Variants in KCNB2 observed in about 807,000 individuals in gnomAD.
The protein encoded by KCNB2 is potassium voltage-gated channel subfamily B member 2, also known as delayed rectifier potassium channel protein.
KCNB2 carries 15 observed loss-of-function variants against 61.5 expected under a neutral mutation model. The observed-to-expected ratio is 0.24, with a 90% CI of 0.16 to 0.38. KCNB2 has a LOEUF of 0.38. Ranked by LOEUF, KCNB2 falls within the 10% of genes least tolerant of loss-of-function variation. KCNB2 has a pLI of 1.00. For synonymous variants in KCNB2, 457 were observed against 446.0 expected (o/e 1.02, Z -0.31); for missense variants, 828 against 1,125.2 (o/e 0.74, Z 3.78).
intron 2 of KCNB2, among the ~76,000 whole-genome samples, chr8:72,628,029 C>T (rs1038032967): frequency 2.0e-5 from 3 of 152,098 alleles, no homozygotes; most frequent in Non-Finnish European, 4.4e-5. Context: ...TCTCAGCCCA[C>T]TGCCACCTCC....
At chr8:72,872,519 C>G (rs559034334) in intron 2 of KCNB2, among the ~76,000 whole-genome samples, 34 of 152,282 alleles carry the variant, frequency 2.2e-4, no homozygotes, top group African/African-American at 5.3e-4. Context: ...TGGGAAGAAA[C>G]TTCCCCCAGA....
intron 2 of KCNB2, among the ~76,000 whole-genome samples, chr8:72,675,970 G>A (rs1806647339): frequency 6.6e-6 from 1 of 150,538 alleles, no homozygotes; most frequent in Admixed American, 6.6e-5. Flanking sequence ...TGAGTGCATT[G>A]GAGAAGAATT....
intron 2 of KCNB2, among the ~76,000 whole-genome samples, chr8:72,920,886 T>C (rs1806508602): frequency 6.6e-6 from 1 of 152,052 alleles, no homozygotes; most frequent in Non-Finnish European, 1.5e-5. Flanking sequence ...ATACAAATGT[T>C]AGAGCTAAGA....
At chr8:72,704,674 G>A (rs1807189665) in intron 2 of KCNB2, among the ~76,000 whole-genome samples, 1 of 152,070 alleles carries the variant, frequency 6.6e-6, no homozygotes, top group Non-Finnish European at 1.5e-5. Flanking sequence ...AGATAAATCA[G>A]GAGTTACTGT....
intron 2 of KCNB2, among the ~76,000 whole-genome samples, chr8:72,716,156 T>G: frequency 6.6e-6 from 1 of 152,112 alleles, no homozygotes; most frequent in East Asian, 1.9e-4. Context: ...GCTCTGAAAT[T>G]GAGGCAATAA....
chr8:72,777,276 G>T (rs1272285150), intron 2 of KCNB2, among the ~76,000 whole-genome samples: 1 of 152,170 alleles, frequency 6.6e-6, no homozygotes, highest in Non-Finnish European at 1.5e-5. Flanking sequence ...ATTTGTAAGT[G>T]CTACTAAGAC....
intron 2 of KCNB2, among the ~76,000 whole-genome samples, chr8:72,768,888 C>T (rs774350559): frequency 2.0e-5 from 3 of 152,086 alleles, no homozygotes; most frequent in Non-Finnish European, 4.4e-5. Flanking sequence ...TGGCCTGGCA[C>T]GGTGGCTTAT....
intron 2 of KCNB2, among the ~76,000 whole-genome samples, chr8:72,680,545 T>C (rs1806733901): frequency 6.6e-6 from 1 of 152,028 alleles, no homozygotes; most frequent in Non-Finnish European, 1.5e-5. Context: ...ATGGAACAGC[T>C]GGTAAAGCAG....
At chr8:72,607,297 A>T (rs56026658) in intron 2 of KCNB2, among the ~76,000 whole-genome samples, 5,884 of 152,242 alleles carry the variant, frequency 0.039, 175 homozygotes, top group Middle Eastern at 0.11. Flanking sequence ...GAGAAGCAGA[A>T]GGAAGGAAGG....
intron 2 of KCNB2, among the ~76,000 whole-genome samples, chr8:72,573,632 C>T (rs1233938677): frequency 6.6e-6 from 1 of 150,984 alleles, no homozygotes; most frequent in Non-Finnish European, 1.5e-5. Context: ...CAGTGCTATC[C>T]TCTACATTGA....
rs1022408675 is a variant in KCNB2 at position 72,632,093 on chromosome 8, T to TA, written c.579+63783dup. Among the ~76,000 whole-genome samples, 12 of 148,536 alleles carry TA rather than the reference T, an allele frequency of 8.1e-5. No homozygotes were observed. The South Asian group carries it at 8.7e-4, about 11-fold the overall frequency. ...TCTTTTAAAAAAAGATTTTTTTTTT[T>TA]AAATTAGCTGGATGTGATCACATGC... On this transcript the variant is annotated intron_variant, in intron 2 of 2. Coordinates refer to ENST00000523207, the MANE Select transcript of KCNB2 (RefSeq NM_004770.3).
chr8:72,735,743 T>C (rs1478802796), intron 2 of KCNB2, among the ~76,000 whole-genome samples: 1 of 152,200 alleles, frequency 6.6e-6, no homozygotes, highest in Non-Finnish European at 1.5e-5. Flanking sequence ...GGAATATGCA[T>C]GTAATAGACA....
intron 2 of KCNB2, among the ~76,000 whole-genome samples, chr8:72,685,221 A>G (rs1806830793): frequency 6.6e-6 from 1 of 152,194 alleles, no homozygotes; most frequent in Non-Finnish European, 1.5e-5. Flanking sequence ...TCTGAAAGGA[A>G]TGACTTGGCA....
chr8:72,747,293 C>T (rs1262166370), intron 2 of KCNB2, among the ~76,000 whole-genome samples: 1 of 152,140 alleles, frequency 6.6e-6, no homozygotes, highest in Admixed American at 6.6e-5. Flanking sequence ...GAAAGAGGAG[C>T]TGTCCCTAGT....
chr8:72,787,330 G>C (rs527494791), intron 2 of KCNB2, among the ~76,000 whole-genome samples: 1 of 152,130 alleles, frequency 6.6e-6, no homozygotes, highest in Admixed American at 6.6e-5. Context: ...CCAGGAGTTT[G>C]AAGCTGAAGT....
intron 2 of KCNB2, among the ~76,000 whole-genome samples, chr8:72,855,930 C>T (rs765712006): frequency 3.3e-5 from 5 of 152,184 alleles, no homozygotes; most frequent in African/African-American, 4.8e-5. Context: ...TAAATCATCT[C>T]TAGATTTCTT....
chr8:72,874,082 C>G (rs1193242223), intron 2 of KCNB2, among the ~76,000 whole-genome samples: 1 of 152,202 alleles, frequency 6.6e-6, no homozygotes, highest in Non-Finnish European at 1.5e-5. Context: ...CATTCTCCTG[C>G]TAGTTCAGAT....
At chr8:72,926,790 C>A (rs990462741) in intron 2 of KCNB2, among the ~76,000 whole-genome samples, 6 of 152,034 alleles carry the variant, frequency 3.9e-5, no homozygotes, top group African/African-American at 1.4e-4. Context: ...ATAATGTATC[C>A]CCTTCTTTCC....
chr8:72,820,800 AC>A (rs1277732340), intron 2 of KCNB2, among the ~76,000 whole-genome samples: 1 of 152,102 alleles, frequency 6.6e-6, no homozygotes, highest in African/African-American at 2.4e-5. Context: ...TTTATAATAA[AC>A]TTTCATTTTG....
Sources: gnomAD v4.1 joint callset for allele counts (sites outside exome capture counted in the v4.1 genomes callset) on GRCh38, gnomAD v4.1.1 for gene constraint, MANE v1.5 for transcripts, NCBI Gene and HGNC (gene_info 2026-07-23, HGNC 2026-07-21) for gene names.